RDX: variants seen among roughly 807,000 people sequenced by gnomAD.
The protein encoded by RDX is deafness, autosomal recessive 24.
In RDX, 32 loss-of-function variants were observed where a neutral mutation model predicts 83.7. That is an observed-to-expected ratio of 0.38 (90% CI 0.29 to 0.51). The LOEUF is 0.51. Ranked by LOEUF, RDX falls within the 20% of genes least tolerant of loss-of-function variation. RDX has a pLI of 0.87. For missense variants in RDX, 600 were observed against 689.9 expected, an observed-to-expected ratio of 0.87 and a Z score of 1.46; for synonymous variants, 229 against 222.7, an observed-to-expected ratio of 1.03 and a Z score of -0.25.
intron 15 of RDX, chr11:110,181,749 G>A (rs1456264097): frequency 6.6e-6 from 1 of 152,550 alleles, no homozygotes; most frequent in Non-Finnish European, 1.5e-5. Flanking sequence ...AGGGAAGAGA[G>A]GCGTCCAAGG....
intron 15 of RDX, among the ~76,000 whole-genome samples, chr11:110,184,272 C>G (rs899234664): frequency 5.9e-5 from 9 of 152,220 alleles, no homozygotes; most frequent in African/African-American, 1.2e-4. Flanking sequence ...CGCTATATGA[C>G]TAGCTCTGAC....
At chr11:110,208,813 G>T (rs561016236) in intron 14 of RDX, among the ~76,000 whole-genome samples, 3 of 152,176 alleles carry the variant, frequency 2.0e-5, no homozygotes, top group African/African-American at 7.2e-5. Flanking sequence ...AAAATTACCT[G>T]GGGGTAGTGG....
chr11:110,181,309 C>G lies in RDX; in HGVS notation c.*32-6075G>C, dbSNP rs1862882289. On this transcript the variant is annotated intron_variant, in intron 15 of 15. Transcript: ENST00000528498. ...TCCTGAGTAGCTGGGATTATAGGCA[C>G]CCGCCACCACGCCCAGCTGATTTTT... 2.6e-5 allele frequency among the ~76,000 whole-genome samples: 4 copies of G among 152,120 alleles called. No homozygotes were observed. In the South Asian group the frequency reaches 6.2e-4, roughly 24 times the overall value.
chr11:110,264,291 C>A, intron 4 of RDX, 57 bp from the exon 5 acceptor site: 2 of 1,183,876 alleles, frequency 1.7e-6, no homozygotes, highest in South Asian at 1.5e-5. Flanking sequence ...AATAATTAGA[C>A]CTAGTCACAT....
chr11:110,243,674 T>A (rs1865188859), intron 10 of RDX, among the ~76,000 whole-genome samples: 2 of 151,780 alleles, frequency 1.3e-5, no homozygotes, highest in African/African-American at 4.8e-5. Context: ...ACCGCGATCA[T>A]GCCACTGCAC....
intron 10 of RDX, among the ~76,000 whole-genome samples, chr11:110,245,910 G>A (rs902349751): frequency 6.6e-6 from 1 of 152,106 alleles, no homozygotes; most frequent in Admixed American, 6.5e-5. Flanking sequence ...TATTTGCTGG[G>A]ACAGTAACTG....
At chr11:110,256,380 C>G (rs1395223536) in intron 7 of RDX, among the ~76,000 whole-genome samples, 1 of 152,148 alleles carries the variant, frequency 6.6e-6, no homozygotes, top group African/African-American at 2.4e-5. Context: ...AAGTAACATG[C>G]TTAAAACGGA....
At chr11:110,193,800 C>A (rs1290827386) in intron 15 of RDX, among the ~76,000 whole-genome samples, 2 of 152,216 alleles carry the variant, frequency 1.3e-5, no homozygotes, top group African/African-American at 2.4e-5. Context: ...GGTTTTAACA[C>A]CCACAGGCTG....
chr11:110,267,515 AACACACACACACACACAC>A (rs71053877), intron 3 of RDX, among the ~76,000 whole-genome samples: 43 of 131,454 alleles, frequency 3.3e-4, no homozygotes, highest in African/African-American at 6.6e-4. Flanking sequence ...TCCGTCTCAA[AACACACACACACACACAC>A]ACACACACAC....
At chr11:110,292,076 T>C (rs564867660) in intron 1 of RDX, among the ~76,000 whole-genome samples, 6 of 152,180 alleles carry the variant, frequency 3.9e-5, no homozygotes, top group Non-Finnish European at 5.9e-5. Context: ...GCAGATCACT[T>C]GAGGTCAGGA....
rs76775950 is a variant in RDX at position 110,215,566 on chromosome 11, T to A, written c.1749-15888A>T. ...TGCAGTGGTTCAAGGAGGTTGGTCT[T>A]CAATCTGGTGGGTTTGATCAGGTCA... is the stretch of plus-strand genomic sequence containing the variant. On this transcript the variant is annotated intron_variant, in intron 14 of 15. Coordinates refer to the RDX transcript ENST00000528498. Among the ~76,000 whole-genome samples, 41 of 152,194 alleles carry A rather than the reference T, an allele frequency of 2.7e-4. No homozygotes were observed. In the East Asian group the frequency reaches 7.5e-3, roughly 28 times the overall value.
intron 14 of RDX, among the ~76,000 whole-genome samples, chr11:110,202,592 TTTC>T (rs1463300845): frequency 2.0e-5 from 3 of 149,074 alleles, no homozygotes; most frequent in South Asian, 4.3e-4. Flanking sequence ...CTAATTTTTC[TTTC>T]TTTTTTTTTT....
At chr11:110,267,515 A>AACACACACACACAC (rs71053877) in intron 3 of RDX, among the ~76,000 whole-genome samples, 20 of 131,454 alleles carry the variant, frequency 1.5e-4, no homozygotes, top group South Asian at 2.7e-4. Flanking sequence ...TCCGTCTCAA[A>AACACACACACACAC]ACACACACAC....
At chr11:110,296,022 T>C (rs969925895) in intron 1 of RDX, among the ~76,000 whole-genome samples, 1 of 152,246 alleles carries the variant, frequency 6.6e-6, no homozygotes, top group African/African-American at 2.4e-5. Context: ...AATCGAATTC[T>C]ACCTACGCTG....
chr11:110,250,920 A>G (rs577382634), intron 9 of RDX, among the ~76,000 whole-genome samples: 1 of 152,302 alleles, frequency 6.6e-6, no homozygotes, highest in Admixed American at 6.5e-5. Flanking sequence ...TAGTTTTTGT[A>G]GGCCTGTCTT....
In RDX at chr11:110,198,648, T is replaced by C. The variant is rs570216985; in HGVS notation, c.*31+933A>G. Among the ~76,000 whole-genome samples the C allele has an allele frequency of 7.2e-5, 11 of 152,302 alleles. No homozygotes were observed. The East Asian group carries it at 1.7e-3, about 24-fold the overall frequency. Reference sequence around the variant, plus strand: ...TATGGGAATCTAATGCCTCATGATTTGAGGTGGAACAGTTTCACCCCAAAA... The same window carrying C: ...TATGGGAATCTAATGCCTCATGATTCGAGGTGGAACAGTTTCACCCCAAAA... On this transcript the variant is annotated intron_variant, in intron 15 of 15. Coordinates refer to the RDX transcript ENST00000528498.
Position 110,221,049 on chromosome 11 carries a change from T to A in RDX, c.1748+10824A>T, listed in dbSNP as rs7943647. ...CAGAGACAGGTGTCAGGATCAGACC[T>A]CAGTGGCAGCGACTGGCTAAAACAG... On this transcript the variant is annotated intron_variant, in intron 14 of 15. Transcript: ENST00000528498. Among the ~76,000 whole-genome samples, 183 of 151,908 alleles carry A rather than the reference T, an allele frequency of 1.2e-3. 2 individuals carry two copies. The highest frequency in any genetic ancestry group is 0.01 in the Admixed American group (160 of 15,266).
At chr11:110,190,038 G>A (rs1224100189) in intron 15 of RDX, among the ~76,000 whole-genome samples, 6 of 152,062 alleles carry the variant, frequency 3.9e-5, no homozygotes, top group Non-Finnish European at 4.4e-5. Flanking sequence ...AGCCGAGATC[G>A]TGCCATTGCA....
chr11:110,278,869 A>T lies in RDX; in HGVS notation c.12+812T>A, dbSNP rs1860630575. On this transcript the variant is annotated intron_variant, in intron 2 of 13. Coordinates refer to ENST00000645495, the MANE Select transcript of RDX (RefSeq NM_002906.4). Reference sequence around the variant, plus strand: ...CCAAAAGAAACATTCAAAAAAAAAAAACAACTCACTTTATTAGATTAAGAA... The same window carrying T: ...CCAAAAGAAACATTCAAAAAAAAAATACAACTCACTTTATTAGATTAAGAA... 1.6e-4 allele frequency among the ~76,000 whole-genome samples: 24 copies of T among 152,180 alleles called. No homozygotes were observed. The South Asian group carries it at 4.8e-3, about 30-fold the overall frequency.
Sources: allele counts gnomAD v4.1 joint callset (sites outside exome capture counted in the v4.1 genomes callset), GRCh38; gene constraint gnomAD v4.1.1; transcripts MANE v1.5; gene names NCBI Gene and HGNC (gene_info 2026-07-23, HGNC 2026-07-21).